Variants in UBE3D observed in about 807,000 individuals in gnomAD.
UBE3D encodes the protein E3 ubiquitin-protein ligase E3D.
A neutral mutation model predicts 49.6 loss-of-function variants in UBE3D; 48 were observed. The ratio of observed to expected loss-of-function variants is 0.97; its 90% CI spans 0.77 to 1.23. The LOEUF (loss-of-function observed/expected upper bound fraction) is 1.23, where lower values mean the gene tolerates loss of function less well. UBE3D is among the 50% of genes most tolerant of loss of function. The pLI is 0.00. For synonymous variants in UBE3D, 189 were observed against 174.2 expected (o/e 1.08, Z -0.67); for missense variants, 452 against 468.4 (o/e 0.96, Z 0.32).
At chr6:82,996,446 A>G (rs78700991) in intron 8 of UBE3D, among the ~76,000 whole-genome samples, 1 of 152,178 alleles carries the variant, frequency 6.6e-6, no homozygotes, top group African/African-American at 2.4e-5. Context: ...TAGAGAAAAA[A>G]CAAATCTTCT....
downstream of UBE3D, among the ~76,000 whole-genome samples, chr6:82,887,767 A>G (rs577108259): frequency 1.1e-3 from 168 of 152,232 alleles, no homozygotes; most frequent in African/African-American, 4.0e-3. Context: ...TGAGTCCAAT[A>G]TGTACTACTA....
At chr6:82,884,960 C>T in the UBE3D span, among the ~76,000 whole-genome samples, 1 of 152,154 alleles carries the variant, frequency 6.6e-6, no homozygotes, top group Non-Finnish European at 1.5e-5. Context: ...TGCTGGATTC[C>T]TTTCCTCACT....
intron 9 of UBE3D, among the ~76,000 whole-genome samples, chr6:82,943,730 A>G (rs1225245218): frequency 6.6e-6 from 1 of 152,210 alleles, no homozygotes; most frequent in East Asian, 1.9e-4. Flanking sequence ...TGAAAAGAAT[A>G]GGAAACAGTC....
chr6:83,002,339 G>A (rs1426864372), intron 8 of UBE3D, among the ~76,000 whole-genome samples: 1 of 152,158 alleles, frequency 6.6e-6, no homozygotes, highest in Non-Finnish European at 1.5e-5. Context: ...GCTTTTGAGA[G>A]GTGATTAGAC....
chr6:82,915,163 G>C (rs1025971345), intron 9 of UBE3D, among the ~76,000 whole-genome samples: 1 of 152,078 alleles, frequency 6.6e-6, no homozygotes, highest in Admixed American at 6.5e-5. Flanking sequence ...CTAGCAAAAA[G>C]TAATAAAGCT....
intron 9 of UBE3D, among the ~76,000 whole-genome samples, chr6:82,901,644 A>G (rs1771746634): frequency 6.6e-6 from 1 of 152,226 alleles, no homozygotes; most frequent in Non-Finnish European, 1.5e-5. Flanking sequence ...GGACTCAAAC[A>G]CAGGTCTTCT....
chr6:83,040,715 A>T (rs1475111786), intron 4 of UBE3D, among the ~76,000 whole-genome samples: 1 of 152,248 alleles, frequency 6.6e-6, no homozygotes, highest in African/African-American at 2.4e-5. Context: ...TTCATAAGTC[A>T]GTTCAGTCCT....
chr6:82,955,955 T>C (rs549012026), intron 9 of UBE3D, among the ~76,000 whole-genome samples: 2 of 152,288 alleles, frequency 1.3e-5, no homozygotes, highest in Admixed American at 6.5e-5. Flanking sequence ...TAAATAGGCA[T>C]GCTAAGACCA....
rs906049092 is a variant in UBE3D, at chr6:83,038,462, T to G, written c.621A>C (p.Val207=). ...ACATTACCTTGCAACGCTTACAAATTACTTTGGTATTTGCCTTTGGTTCCT... is the reference window on the plus strand; with the variant it reads ...ACATTACCTTGCAACGCTTACAAATGACTTTGGTATTTGCCTTTGGTTCCT... ...CKLEPKANTK[V]ICKRCKVMLG... The change falls in exon 5 of 10, where the codon GTA becomes GTC. Residue 207 remains valine, a synonymous_variant. Transcript: ENST00000369747. The G allele has an allele frequency of 1.2e-6, 2 of 1,611,094 alleles. No individual in the cohort carries two copies. Among genetic ancestry groups the G allele is most frequent in the African/African-American group, 2.7e-5 (2 of 74,838 alleles).
intron 8 of UBE3D, among the ~76,000 whole-genome samples, chr6:82,985,288 T>G (rs1778397763): frequency 6.6e-6 from 1 of 152,174 alleles, no homozygotes; most frequent in African/African-American, 2.4e-5. Flanking sequence ...TAAAAGGTTT[T>G]CCCCACTCCA....
At chr6:83,053,334 C>T (rs974438705) in intron 3 of UBE3D, among the ~76,000 whole-genome samples, 22 of 152,170 alleles carry the variant, frequency 1.4e-4, no homozygotes, top group Non-Finnish European at 7.4e-5. Context: ...AGGAAGGATC[C>T]GTTCACTTAT....
intron 8 of UBE3D, among the ~76,000 whole-genome samples, chr6:83,002,514 G>A (rs1332910185): frequency 6.6e-6 from 1 of 152,138 alleles, no homozygotes; most frequent in Non-Finnish European, 1.5e-5. Context: ...ATGAAACCTC[G>A]TCTCTACTAA....
chr6:83,034,460 G>A (rs144701198), intron 5 of UBE3D, among the ~76,000 whole-genome samples: 15 of 151,926 alleles, frequency 9.9e-5, no homozygotes, highest in East Asian at 1.9e-4. Context: ...ATTAGCTGTC[G>A]TCACATGTTG....
chr6:82,943,077 T>C (rs1775132902), intron 9 of UBE3D, among the ~76,000 whole-genome samples: 1 of 152,238 alleles, frequency 6.6e-6, no homozygotes. Context: ...ATGACCTGAA[T>C]GTGAAACATG....
chr6:82,976,582 G>C (rs1777732921), intron 8 of UBE3D, among the ~76,000 whole-genome samples: 1 of 151,892 alleles, frequency 6.6e-6, no homozygotes, highest in African/African-American at 2.4e-5. Context: ...CAATATTTCT[G>C]CCACCGTCAC....
At chr6:83,060,833 C>A (rs958694896) in intron 1 of UBE3D, among the ~76,000 whole-genome samples, 1 of 152,014 alleles carries the variant, frequency 6.6e-6, no homozygotes, top group African/African-American at 2.4e-5. Flanking sequence ...AAAAAAGTAG[C>A]CCATTGAATA....
chr6:82,895,525 C>A (rs1396919180), intron 9 of UBE3D, among the ~76,000 whole-genome samples: 1 of 152,110 alleles, frequency 6.6e-6, no homozygotes, highest in East Asian at 1.9e-4. Flanking sequence ...AAAGAATTAT[C>A]AGCTAGCCCC....
chr6:82,910,043 CGAAAGCT>C (rs534613243), intron 9 of UBE3D, among the ~76,000 whole-genome samples: 1 of 152,192 alleles, frequency 6.6e-6, no homozygotes, highest in South Asian at 2.1e-4. Flanking sequence ...TTGTGATTCC[CGAAAGCT>C]ACTTCTTAGA....
chr6:82,971,587 T>C (rs1471903839), intron 8 of UBE3D, among the ~76,000 whole-genome samples: 2 of 152,040 alleles, frequency 1.3e-5, no homozygotes, highest in Non-Finnish European at 2.9e-5. Flanking sequence ...ATTAAAGATG[T>C]TTTCTTTTTT....
Sources: allele counts gnomAD v4.1 joint callset (sites outside exome capture counted in the v4.1 genomes callset), GRCh38; gene constraint gnomAD v4.1.1; transcripts MANE v1.5; gene names NCBI Gene and HGNC (gene_info 2026-07-23, HGNC 2026-07-21).